CCDC178: variants seen among roughly 807,000 people sequenced by gnomAD.
CCDC178 encodes the protein coiled-coil domain containing 178, also known as coiled-coil domain-containing protein 178.
Under a neutral mutation model 117.4 loss-of-function variants are expected in CCDC178, and 126 were observed. That is an observed-to-expected ratio of 1.07 (90% CI 0.93 to 1.24). The LOEUF (loss-of-function observed/expected upper bound fraction) is 1.24. CCDC178 is among the 50% of genes most tolerant of loss of function. The pLI, the probability that CCDC178 is intolerant of heterozygous loss-of-function variation, is 0.00. For synonymous variants in CCDC178, 283 were observed against 313.4 expected, an observed-to-expected ratio of 0.90 and a Z score of 1.02; for missense variants, 1,030 against 986.9, an observed-to-expected ratio of 1.04 and a Z score of -0.59.
intron 2 of CCDC178, among the ~76,000 whole-genome samples, chr18:33,415,773 T>C (rs1303397718): frequency 6.6e-6 from 1 of 152,068 alleles, no homozygotes; most frequent in Admixed American, 6.6e-5. Flanking sequence ...TTTGGGAAGA[T>C]GGAATAGATA....
intron 18 of CCDC178, among the ~76,000 whole-genome samples, chr18:33,216,360 C>G (rs1040268079): frequency 1.3e-5 from 2 of 152,020 alleles, no homozygotes; most frequent in African/African-American, 4.8e-5. Flanking sequence ...ACTACCAGCA[C>G]TTCTTTCCAT....
chr18:33,085,519 C>A (rs1001591223), intron 21 of CCDC178, among the ~76,000 whole-genome samples: 2 of 152,018 alleles, frequency 1.3e-5, no homozygotes, highest in Non-Finnish European at 2.9e-5. Context: ...GCCGAGATCG[C>A]GCCACTGCAC....
At chr18:33,037,214 C>T (rs1039334452) in intron 21 of CCDC178, among the ~76,000 whole-genome samples, 2 of 151,900 alleles carry the variant, frequency 1.3e-5, no homozygotes, top group Non-Finnish European at 2.9e-5. Context: ...CCAAAAGCAC[C>T]AAGGCATTAA....
chr18:33,056,530 CTGGAAGATG>C (rs1226292459), intron 21 of CCDC178, among the ~76,000 whole-genome samples: 1 of 151,998 alleles, frequency 6.6e-6, no homozygotes, highest in Non-Finnish European at 1.5e-5. Flanking sequence ...AAAGGGAAGT[CTGGAAGATG>C]GGGAAAATGG....
At chr18:33,294,827 T>G (rs771573006) in intron 11 of CCDC178, among the ~76,000 whole-genome samples, 1 of 152,212 alleles carries the variant, frequency 6.6e-6, no homozygotes, top group Non-Finnish European at 1.5e-5. Flanking sequence ...GCCTGAGTGA[T>G]GGACAATTGC....
chr18:33,046,574 T>A (rs1240391474), intron 21 of CCDC178, among the ~76,000 whole-genome samples: 1 of 152,018 alleles, frequency 6.6e-6, no homozygotes, highest in African/African-American at 2.4e-5. Flanking sequence ...CTACTTAACA[T>A]TTAAAATGTT....
intron 20 of CCDC178, among the ~76,000 whole-genome samples, chr18:33,186,466 C>T (rs933253230): frequency 6.6e-6 from 1 of 151,938 alleles, no homozygotes; most frequent in East Asian, 1.9e-4. Flanking sequence ...TGTGTAGTGA[C>T]CAAAACATAG....
At chr18:33,231,433 C>A (rs962374356) in intron 15 of CCDC178, among the ~76,000 whole-genome samples, 2 of 152,090 alleles carry the variant, frequency 1.3e-5, no homozygotes, top group Non-Finnish European at 2.9e-5. Flanking sequence ...ATGACATATA[C>A]CAACCAATTG....
At chr18:33,298,801 T>C (rs576165509) in intron 11 of CCDC178, among the ~76,000 whole-genome samples, 1 of 152,172 alleles carries the variant, frequency 6.6e-6, no homozygotes, top group South Asian at 2.1e-4. Flanking sequence ...GGATTCAACA[T>C]CAACATACAA....
At chr18:33,423,894 C>T (rs973552844) in intron 2 of CCDC178, among the ~76,000 whole-genome samples, 4 of 152,298 alleles carry the variant, frequency 2.6e-5, no homozygotes, top group Admixed American at 1.3e-4. Context: ...GTGCCATCTA[C>T]TCTTGTAAAA....
intron 10 of CCDC178, among the ~76,000 whole-genome samples, chr18:33,329,017 T>G (rs1401740486): frequency 6.6e-6 from 1 of 152,172 alleles, no homozygotes; most frequent in Non-Finnish European, 1.5e-5. Context: ...ATCTTTCATC[T>G]TCTTAAAATT....
intron 20 of CCDC178, among the ~76,000 whole-genome samples, chr18:33,095,944 TC>T (rs998781358): frequency 6.6e-6 from 1 of 152,012 alleles, no homozygotes; most frequent in Non-Finnish European, 1.5e-5. Flanking sequence ...TATGTGAACC[TC>T]ATTAAACTGT....
intron 20 of CCDC178, among the ~76,000 whole-genome samples, chr18:33,200,108 T>C (rs546445023): frequency 5.6e-4 from 85 of 152,226 alleles, no homozygotes; most frequent in Non-Finnish European, 9.8e-4. Context: ...AAATTCTTCA[T>C]TGGTATAGCT....
intron 20 of CCDC178, among the ~76,000 whole-genome samples, chr18:33,101,594 A>T (rs2057629036): frequency 6.6e-6 from 1 of 151,928 alleles, no homozygotes; most frequent in Admixed American, 6.6e-5. Flanking sequence ...GGCCCATGGG[A>T]TACAGATTCC....
intron 21 of CCDC178, among the ~76,000 whole-genome samples, chr18:33,051,283 G>A (rs2056743213): frequency 6.6e-6 from 1 of 151,996 alleles, no homozygotes; most frequent in African/African-American, 2.4e-5. Context: ...GTGTAGATAA[G>A]TATCAACACT....
intron 6 of CCDC178, 46 bp from the exon 7 acceptor site, chr18:33,356,392 T>A: frequency 7.1e-7 from 1 of 1,414,828 alleles, no homozygotes; most frequent in Non-Finnish European, 9.5e-7. Context: ...TTAAACATAT[T>A]AAAAAACTGA....
chr18:33,101,936 GC>G (rs2057634186), intron 20 of CCDC178, among the ~76,000 whole-genome samples: 1 of 151,868 alleles, frequency 6.6e-6, no homozygotes, highest in African/African-American at 2.4e-5. Context: ...TATATTTAAT[GC>G]CAGTTTTATT....
At chr18:33,436,957 C>G (rs1475912232) in intron 2 of CCDC178, among the ~76,000 whole-genome samples, 1 of 152,092 alleles carries the variant, frequency 6.6e-6, no homozygotes, top group African/African-American at 2.4e-5. Context: ...ACCTCTAGGT[C>G]CTTTTTCATG....
intron 9 of CCDC178, among the ~76,000 whole-genome samples, chr18:33,342,212 A>G (rs1482766476): frequency 6.6e-6 from 1 of 152,202 alleles, no homozygotes; most frequent in Non-Finnish European, 1.5e-5. Context: ...AAGATATGAT[A>G]TATATAAGAA....
Sources: gnomAD v4.1 joint callset for allele counts (sites outside exome capture counted in the v4.1 genomes callset) on GRCh38, gnomAD v4.1.1 for gene constraint, MANE v1.5 for transcripts, NCBI Gene and HGNC (gene_info 2026-07-23, HGNC 2026-07-21) for gene names.